Variants in SUGCT observed in about 807,000 individuals in gnomAD.
The protein encoded by SUGCT is succinyl-CoA:glutarate CoA-transferase.
SUGCT carries 41 observed loss-of-function variants against 55.0 expected under a neutral mutation model. The observed-to-expected ratio is 0.74, with a 90% CI of 0.58 to 0.97. The LOEUF is 0.97. Among genes scored for constraint, SUGCT ranks in the 50% least tolerant of loss-of-function variants. The pLI is 0.00. For missense variants in SUGCT, 568 were observed against 547.8 expected (o/e 1.04, Z -0.37); for synonymous variants, 187 against 200.4 (o/e 0.93, Z 0.56).
At chr7:40,645,147 A>C (rs1413995702) in intron 12 of SUGCT, among the ~76,000 whole-genome samples, 2 of 152,176 alleles carry the variant, frequency 1.3e-5, no homozygotes, top group African/African-American at 4.8e-5. Context: ...GGGGAGAGAC[A>C]CTGAACTGCT....
intron 12 of SUGCT, among the ~76,000 whole-genome samples, chr7:40,663,519 G>GTGTGTA (rs777739219): frequency 0.026 from 3,842 of 148,478 alleles, 74 homozygotes; most frequent in Middle Eastern, 0.045. Context: ...GTGTGTGTGT[G>GTGTGTA]TGTATCATTA....
chr7:40,988,586 A>C, the SUGCT span, among the ~76,000 whole-genome samples: 1 of 152,116 alleles, frequency 6.6e-6, no homozygotes, highest in Non-Finnish European at 1.5e-5. Context: ...GGGGATAATA[A>C]TACTGCTATA....
chr7:40,342,788 G>T (rs751729165), intron 9 of SUGCT, among the ~76,000 whole-genome samples: 1 of 151,832 alleles, frequency 6.6e-6, no homozygotes, highest in South Asian at 2.1e-4. Flanking sequence ...GATTACAGGC[G>T]CCTGCCCCCA....
intron 13 of SUGCT, among the ~76,000 whole-genome samples, chr7:40,833,280 T>G (rs887853141): frequency 6.6e-6 from 1 of 152,014 alleles, no homozygotes; most frequent in Non-Finnish European, 1.5e-5. Context: ...CAAGAAACAT[T>G]AACAACCCAA....
At chr7:40,589,216 T>C (rs1274905123) in intron 12 of SUGCT, among the ~76,000 whole-genome samples, 1 of 152,124 alleles carries the variant, frequency 6.6e-6, no homozygotes, top group East Asian at 1.9e-4. Context: ...TATTTTCTTA[T>C]GTACCTCCTT....
chr7:40,597,580 G>T (rs1798077892), intron 12 of SUGCT, among the ~76,000 whole-genome samples: 1 of 152,130 alleles, frequency 6.6e-6, no homozygotes, highest in Non-Finnish European at 1.5e-5. Flanking sequence ...GTGGGATGAA[G>T]ACTAGATCTG....
rs147361717 is a variant in SUGCT, at chr7:40,248,312, A to G, written c.576+10586A>G. 4.5e-4 allele frequency among the ~76,000 whole-genome samples: 68 copies of G among 151,486 alleles called. No individual in the cohort carries two copies. The East Asian group carries it at 8.5e-3, about 19-fold the overall frequency. ...AGGCATGAGCCACCACGCCCGGCCT[A>G]TAGTTTTGATTCTTACTTTTAGGGT... On this transcript the variant is annotated intron_variant, in intron 7 of 13. Transcript: ENST00000335693.
intron 12 of SUGCT, among the ~76,000 whole-genome samples, chr7:40,560,317 GT>G (rs1413844355): frequency 6.6e-6 from 1 of 152,112 alleles, no homozygotes; most frequent in African/African-American, 2.4e-5. Flanking sequence ...ATGCATACAT[GT>G]TTTCCCTCTA....
intron 13 of SUGCT, among the ~76,000 whole-genome samples, chr7:40,847,246 G>C (rs1793602920): frequency 7.7e-6 from 1 of 129,400 alleles, no homozygotes; most frequent in African/African-American, 2.7e-5. Context: ...CAACACAAAT[G>C]TATTTCTTAC....
the SUGCT span, among the ~76,000 whole-genome samples, chr7:40,940,602 G>A: frequency 3.2e-4 from 49 of 151,954 alleles, no homozygotes; most frequent in African/African-American, 1.1e-3. Context: ...TCACCTTCTT[G>A]GTTAAGTATA....
At chr7:40,433,167 GTC>G (rs1231955389) in intron 9 of SUGCT, among the ~76,000 whole-genome samples, 14 of 151,958 alleles carry the variant, frequency 9.2e-5, no homozygotes, top group Admixed American at 8.5e-4. Context: ...TATGTGTTGT[GTC>G]TCCTTGTGGA....
At chr7:40,535,467 C>T (rs1015487390) in intron 12 of SUGCT, among the ~76,000 whole-genome samples, 2 of 152,154 alleles carry the variant, frequency 1.3e-5, no homozygotes, top group African/African-American at 4.8e-5. Context: ...ATTAGTTCAG[C>T]CACTGTGGAA....
At chr7:41,028,181 A>T in the SUGCT span, among the ~76,000 whole-genome samples, 1 of 152,188 alleles carries the variant, frequency 6.6e-6, no homozygotes, top group Non-Finnish European at 1.5e-5. Context: ...TGCAGAGGGA[A>T]CATGCATTAC....
chr7:40,738,545 T>A (rs1306245815), intron 12 of SUGCT, among the ~76,000 whole-genome samples: 1 of 152,212 alleles, frequency 6.6e-6, no homozygotes, highest in Non-Finnish European at 1.5e-5. Context: ...GAAGCCAGTG[T>A]AGCTTTAGTA....
intron 6 of SUGCT, among the ~76,000 whole-genome samples, chr7:40,229,890 G>C (rs1050687726): frequency 1.3e-5 from 2 of 150,926 alleles, no homozygotes; most frequent in African/African-American, 4.9e-5. Context: ...ACTAGAAAAT[G>C]AGTAGAGAAA....
chr7:40,168,685 G>A (rs184650294), intron 1 of SUGCT, among the ~76,000 whole-genome samples: 66 of 152,288 alleles, frequency 4.3e-4, no homozygotes, highest in African/African-American at 1.5e-3. Context: ...GTTTGGTGAA[G>A]GGTTTTAAGT....
At chr7:40,213,194 C>T (rs540409834) in intron 6 of SUGCT, among the ~76,000 whole-genome samples, 20 of 152,222 alleles carry the variant, frequency 1.3e-4, no homozygotes, top group African/African-American at 4.1e-4. Flanking sequence ...CCAACTTTTC[C>T]ACTTAATGTC....
chr7:40,456,671 T>C (rs1789506467), intron 10 of SUGCT, among the ~76,000 whole-genome samples: 1 of 151,856 alleles, frequency 6.6e-6, no homozygotes, highest in African/African-American at 2.4e-5. Flanking sequence ...TCAAGGTAGT[T>C]GCATTAAGAA....
intron 12 of SUGCT, among the ~76,000 whole-genome samples, chr7:40,653,296 T>A (rs536683181): frequency 6.6e-6 from 1 of 152,346 alleles, no homozygotes; most frequent in East Asian, 1.9e-4. Flanking sequence ...CATTTCTTTT[T>A]TCTTCTGGTA....
Sources: allele counts gnomAD v4.1 joint callset (sites outside exome capture counted in the v4.1 genomes callset), GRCh38; gene constraint gnomAD v4.1.1; transcripts MANE v1.5; gene names NCBI Gene and HGNC (gene_info 2026-07-23, HGNC 2026-07-21).